Variants in SASS6 observed in about 807,000 individuals in gnomAD.
SASS6 encodes the protein SAS-6 centriolar assembly protein.
Under a neutral mutation model 94.9 loss-of-function variants are expected in SASS6, and 59 were observed. The ratio of observed to expected loss-of-function variants is 0.62; its 90% confidence interval spans 0.50 to 0.77. The LOEUF (loss-of-function observed/expected upper bound fraction) is 0.77, where lower values mean the gene tolerates loss of function less well. Ranked by LOEUF, SASS6 falls within the 30% of genes least tolerant of loss-of-function variation. SASS6 has a pLI of 0.00. For synonymous variants in SASS6, 264 were observed against 270.0 expected (o/e 0.98, Z 0.22); for missense variants, 698 against 734.1 (o/e 0.95, Z 0.57).
chr1:100,107,612 A>G lies in SASS6; in HGVS notation c.1146+16T>C. On this transcript the variant is annotated intron_variant, in intron 10 of 16. Transcript: ENST00000287482. ...AATTTAATGAAATACTAGTCTATAA[A>G]ATTTTTAAAACAAACCTTCAGAAGT... 6.3e-7 allele frequency: 1 copy of G among 1,575,506 alleles called. No homozygotes were observed. Among genetic ancestry groups the G allele is most frequent in the South Asian group, 1.2e-5 (1 of 85,418 alleles).
chr1:100,107,376 C>G lies in SASS6; in HGVS notation c.1324G>C (p.Glu442Gln), dbSNP rs754524517. The change falls in exon 11 of 17, where the codon GAG (glutamate) becomes CAG (glutamine). Residue 442 changes from glutamate (E) to glutamine (Q), a missense_variant and splice_region_variant. Physicochemically the swap from Glu to Gln is conservative, Grantham distance 29. Transcript: ENST00000287482. Reference sequence around the variant, plus strand: ...TAAAAATTTAAAATATTAACTACCTCTTGCTCTTTAATTCGAAGAGACTGT... The same window carrying G: ...TAAAAATTTAAAATATTAACTACCTGTTGCTCTTTAATTCGAAGAGACTGT... ...VGQSLRIKEQ[E>Q]VCKLQEQLEA... The G allele has an allele frequency of 6.3e-7, 1 of 1,576,336 alleles. No homozygotes were observed. Among genetic ancestry groups the G allele is most frequent in the Admixed American group, 1.8e-5 (1 of 54,398 alleles).
intron 6 of SASS6, among the ~76,000 whole-genome samples, chr1:100,119,451 A>G (rs1654015027): frequency 6.6e-6 from 1 of 152,226 alleles, no homozygotes; most frequent in African/African-American, 2.4e-5. Flanking sequence ...GGAATAGTTC[A>G]CTTACATATA....
intron 14 of SASS6, among the ~76,000 whole-genome samples, chr1:100,099,648 A>C (rs1652323698): frequency 6.6e-6 from 1 of 152,120 alleles, no homozygotes; most frequent in Non-Finnish European, 1.5e-5. Context: ...TCACATTTCC[A>C]TTCTGTTGCA....
chr1:100,124,683 G>A (rs1654440132), intron 2 of SASS6, among the ~76,000 whole-genome samples: 1 of 152,168 alleles, frequency 6.6e-6, no homozygotes, highest in African/African-American at 2.4e-5. Context: ...CCTTGGCACA[G>A]ATGCCGTATT....
intron 2 of SASS6, among the ~76,000 whole-genome samples, chr1:100,123,922 C>T (rs1054140011): frequency 3.3e-5 from 5 of 152,078 alleles, no homozygotes; most frequent in African/African-American, 7.2e-5. Flanking sequence ...GTGTGGGAGA[C>T]CATCATAACA....
rs951867406 is a variant in SASS6, at chr1:100,085,571, A to G, written c.1832T>C (p.Leu611Ser). The G allele has an allele frequency of 1.9e-6, 3 of 1,613,438 alleles. No homozygotes were observed. The highest frequency in any genetic ancestry group is 2.5e-6 in the Non-Finnish European group (3 of 1,179,492). ...AAATAGGTTCTGGCTGAGTCCGCGT[A>G]AAGGAATGCTATCTTCCCTTTTCTT... ...YLKKREDSIP[L>S]RGLSQNLFSN... The change falls in exon 16 of 17, where the codon TTA becomes TCA. Residue 611 changes from leucine to serine, a missense_variant. By Grantham distance (145) the Leu-to-Ser change is moderately radical (BLOSUM62 -2). Coordinates refer to ENST00000287482, the MANE Select transcript of SASS6 (RefSeq NM_194292.3).
At chr1:100,089,901 GA>G (rs60639180) in intron 14 of SASS6, among the ~76,000 whole-genome samples, 435 of 136,104 alleles carry the variant, frequency 3.2e-3, no homozygotes, top group African/African-American at 0.01. Context: ...ATTGTTTAAA[GA>G]AAAAAAAAAA....
intron 14 of SASS6, among the ~76,000 whole-genome samples, chr1:100,093,821 A>AT (rs1294886101): frequency 1.3e-5 from 2 of 152,190 alleles, no homozygotes; most frequent in African/African-American, 4.8e-5. Flanking sequence ...GAAAATACAA[A>AT]TACCAAAATT....
chr1:100,128,699 A>C (rs972364930), intron 1 of SASS6, among the ~76,000 whole-genome samples: 2 of 152,240 alleles, frequency 1.3e-5, no homozygotes, highest in Non-Finnish European at 2.9e-5. Context: ...ATAAAAACTC[A>C]ATAAAATGTT....
chr1:100,096,082 T>TA (rs1222650439), intron 14 of SASS6, among the ~76,000 whole-genome samples: 6 of 152,194 alleles, frequency 3.9e-5, no homozygotes, highest in Non-Finnish European at 5.9e-5. Context: ...GTAAAAGATC[T>TA]AAAACAATTT....
intron 1 of SASS6, among the ~76,000 whole-genome samples, chr1:100,132,505 G>A (rs548189934): frequency 4.6e-5 from 7 of 152,236 alleles, no homozygotes; most frequent in Admixed American, 2.6e-4. Flanking sequence ...CACAGGTAGG[G>A]TTTTTGACAT....
intron 15 of SASS6, among the ~76,000 whole-genome samples, chr1:100,085,996 TTTTCCTTTGACCAAAA>T (rs1188904992): frequency 6.6e-6 from 1 of 152,074 alleles, no homozygotes. Flanking sequence ...TAAGATTTCT[TTTTCCTTTGACCAAAA>T]GCTCTTCGAA....
At position 100,083,658 on chromosome 1, in the gene SASS6, A is replaced by AATT. The variant is rs1651004027; in HGVS notation, c.*1667_*1669dup. On this transcript the variant is annotated 3_prime_UTR_variant, in exon 17 of 17. Coordinates refer to ENST00000287482, the MANE Select transcript of SASS6 (RefSeq NM_194292.3). Reference sequence around the variant, plus strand: ...ACTTTTTGATTATTAACACATGTACAATTTTACACTGCAAAACAATTGCAA... The same window carrying AATT: ...ACTTTTTGATTATTAACACATGTACAATTATTTTACACTGCAAAACAATTGCAA... 6.6e-6 allele frequency: 1 copy of AATT among 152,118 alleles called. No homozygotes were observed. The highest frequency in any genetic ancestry group is 2.4e-5 in the African/African-American group (1 of 41,440). The allele number at this position is 152,118 out of a possible 1,614,324, so 9.4% of individuals were successfully genotyped here.
intron 8 of SASS6, 109 bp downstream of exon 8, chr1:100,110,183 C>T (rs1653211456): frequency 7.4e-6 from 4 of 542,026 alleles, no homozygotes. Flanking sequence ...GATACCCTAA[C>T]ACCACAAGAG....
chr1:100,095,744 T>C (rs1652062349), intron 14 of SASS6, among the ~76,000 whole-genome samples: 1 of 152,080 alleles, frequency 6.6e-6, no homozygotes, highest in Non-Finnish European at 1.5e-5. Context: ...AAGATCAACA[T>C]ACAAAAATGA....
At chr1:100,111,045 G>A (rs1486342382) in intron 7 of SASS6, among the ~76,000 whole-genome samples, 1 of 151,980 alleles carries the variant, frequency 6.6e-6, no homozygotes, top group Non-Finnish European at 1.5e-5. Context: ...TTTAGTGCCT[G>A]TCTGAATCGT....
At position 100,104,492 on chromosome 1, in the gene SASS6, C is replaced by T. The variant is rs77208827; in HGVS notation, c.1545+1275G>A. Among the ~76,000 whole-genome samples, 337 of 152,156 alleles carry T rather than the reference C, an allele frequency of 2.2e-3. 4 individuals carry two copies. The highest frequency in any genetic ancestry group is 7.9e-3 in the African/African-American group (328 of 41,548). ...TTTTTCTGTTTGAGATAGAGTCTCA[C>T]TCTGTTGCCCAGGCTGGAGTACAGT... is the stretch of plus-strand genomic sequence containing the variant. On this transcript the variant is annotated intron_variant, in intron 13 of 16. Coordinates refer to ENST00000287482, the MANE Select transcript of SASS6 (RefSeq NM_194292.3).
intron 1 of SASS6, among the ~76,000 whole-genome samples, chr1:100,128,982 T>C (rs1455910778): frequency 1.3e-5 from 2 of 152,128 alleles, no homozygotes; most frequent in Non-Finnish European, 2.9e-5. Context: ...CTCACATCTG[T>C]AATCCCAGCA....
chr1:100,104,320 T>C (rs12082290), intron 13 of SASS6, among the ~76,000 whole-genome samples: 1,755 of 152,310 alleles, frequency 0.012, 39 homozygotes, highest in African/African-American at 0.04. Flanking sequence ...TGCCTGATGT[T>C]AATATTCCAT....
Sources: gnomAD v4.1 joint callset for allele counts (sites outside exome capture counted in the v4.1 genomes callset) on GRCh38, gnomAD v4.1.1 for gene constraint, MANE v1.5 for transcripts, NCBI Gene and HGNC (gene_info 2026-07-23, HGNC 2026-07-21) for gene names.